Variants in FMN1 observed in about 807,000 individuals in gnomAD.
FMN1 encodes formin 1.
Under a neutral mutation model 132.4 loss-of-function variants are expected in FMN1, and 110 were observed. The observed-to-expected ratio is 0.83, with a 90% confidence interval of 0.71 to 0.97. The LOEUF is 0.97. Among genes scored for constraint, FMN1 ranks in the 50% least tolerant of loss-of-function variants. FMN1 has a pLI of 0.00. For synonymous variants in FMN1, 722 were observed against 651.7 expected, an observed-to-expected ratio of 1.11 and a Z score of -1.64; for missense variants, 1,792 against 1,705.3, an observed-to-expected ratio of 1.05 and a Z score of -0.90.
chr15:33,111,303 A>G (rs1429316664), intron 4 of FMN1, among the ~76,000 whole-genome samples: 2 of 152,172 alleles, frequency 1.3e-5, no homozygotes, highest in Non-Finnish European at 2.9e-5. Context: ...TGGGATGGCT[A>G]TAATTAAAAA....
intron 7 of FMN1, among the ~76,000 whole-genome samples, chr15:33,002,904 T>G (rs149633102): frequency 5.4e-4 from 83 of 152,298 alleles, no homozygotes; most frequent in African/African-American, 1.8e-3. Flanking sequence ...CAGCTAAGTG[T>G]TCAACATACG....
intron 7 of FMN1, among the ~76,000 whole-genome samples, chr15:32,981,678 G>A (rs1310274230): frequency 1.3e-5 from 2 of 151,734 alleles, no homozygotes; most frequent in Non-Finnish European, 2.9e-5. Flanking sequence ...TAGGACCTTG[G>A]ATTAGGCAGA....
intron 7 of FMN1, among the ~76,000 whole-genome samples, chr15:32,992,893 C>T (rs2033526131): frequency 6.6e-6 from 1 of 152,192 alleles, no homozygotes; most frequent in African/African-American, 2.4e-5. Flanking sequence ...AGCCTATTCA[C>T]TAGACCAAGT....
chr15:32,929,128 G>T (rs1014336338), intron 9 of FMN1, among the ~76,000 whole-genome samples: 10 of 152,162 alleles, frequency 6.6e-5, no homozygotes, highest in Non-Finnish European at 1.5e-5. Context: ...GTTTTTGTTT[G>T]GAAATCTGAT....
Position 32,774,043 on chromosome 15 carries a change from T to C in FMN1, c.*267A>G. On this transcript the variant is annotated 3_prime_UTR_variant, in exon 21 of 21. Coordinates refer to ENST00000616417, the MANE Select transcript of FMN1 (RefSeq NM_001277313.2). ...AACATTTTGGTATTTCTTCTGCTCT[T>C]AGAGTGGACTTTGGGCTTCCACAAG... 1 of 477,982 alleles carries C rather than the reference T, an allele frequency of 2.1e-6. No individual in the cohort carries two copies. Among genetic ancestry groups the C allele is most frequent in the East Asian group, 4.0e-5 (1 of 25,214 alleles). The allele number at this position is 477,982 out of a possible 1,614,324, so 29.6% of individuals were successfully genotyped here.
chr15:33,125,610 C>G (rs562041837), intron 4 of FMN1, among the ~76,000 whole-genome samples: 1 of 151,828 alleles, frequency 6.6e-6, no homozygotes, highest in Non-Finnish European at 1.5e-5. Flanking sequence ...AAGGCCAAGG[C>G]GGGCAGATCA....
At chr15:33,014,378 G>A (rs1248600813) in intron 6 of FMN1, among the ~76,000 whole-genome samples, 1 of 152,190 alleles carries the variant, frequency 6.6e-6, no homozygotes, top group Non-Finnish European at 1.5e-5. Flanking sequence ...GTTAAAAAGA[G>A]AACTTGACCC....
intron 4 of FMN1, among the ~76,000 whole-genome samples, chr15:33,097,375 T>C (rs549080187): frequency 3.2e-4 from 49 of 151,226 alleles, no homozygotes; most frequent in African/African-American, 9.7e-4. Context: ...AAGTATTGGC[T>C]TCAATTTTCC....
In FMN1 at chr15:32,942,196, C is replaced by G. The variant is rs374865915; in HGVS notation, c.3139-15935G>C. 2.2e-4 allele frequency among the ~76,000 whole-genome samples: 33 copies of G among 152,344 alleles called. 1 individual carries two copies. The South Asian group carries it at 6.6e-3, about 31-fold the overall frequency. On this transcript the variant is annotated intron_variant, in intron 9 of 20. Coordinates refer to ENST00000616417, the MANE Select transcript of FMN1 (RefSeq NM_001277313.2). ...AGTGGGAAAGGCAGGCCCACACTGTCTAAACCTGTACATTAAGCCAGTATA... is the reference window on the plus strand; with the variant it reads ...AGTGGGAAAGGCAGGCCCACACTGTGTAAACCTGTACATTAAGCCAGTATA...
Position 32,804,337 on chromosome 15 carries a change from A to G in FMN1, c.3929-5T>C. ...CCATCTTATGCTCTTTTTTGGCTGT[A>G]AAAGATAAATCATGATTAAAAATTT... On this transcript the variant is annotated splice_polypyrimidine_tract_variant and splice_region_variant and intron_variant, in intron 17 of 20. Transcript: ENST00000616417. 1 of 1,553,950 alleles carries G rather than the reference A, an allele frequency of 6.4e-7. No homozygotes were observed. Among genetic ancestry groups the G allele is most frequent in the Non-Finnish European group, 8.7e-7 (1 of 1,147,458 alleles).
chr15:33,070,755 A>G (rs1219547364), intron 5 of FMN1, among the ~76,000 whole-genome samples: 2 of 152,216 alleles, frequency 1.3e-5, no homozygotes, highest in Non-Finnish European at 2.9e-5. Flanking sequence ...TAAGTGGGGA[A>G]TAACATCATC....
intron 19 of FMN1, among the ~76,000 whole-genome samples, chr15:32,794,189 C>A (rs575172259): frequency 3.9e-5 from 6 of 152,162 alleles, no homozygotes; most frequent in Admixed American, 3.9e-4. Context: ...ACAGCCCCCT[C>A]GCCCCCAAAA....
intron 16 of FMN1, among the ~76,000 whole-genome samples, chr15:32,880,418 C>T (rs958931471): frequency 6.6e-6 from 1 of 152,108 alleles, no homozygotes; most frequent in African/African-American, 2.4e-5. Context: ...TTGTGTATTC[C>T]TTAAGAACCT....
intron 16 of FMN1, among the ~76,000 whole-genome samples, chr15:32,859,668 A>G (rs891895432): frequency 2.0e-5 from 3 of 152,238 alleles, no homozygotes; most frequent in African/African-American, 7.2e-5. Flanking sequence ...ATCCCTGAGA[A>G]GTCATCATGC....
chr15:33,074,863 A>G (rs73378540), intron 5 of FMN1, among the ~76,000 whole-genome samples: 3,500 of 151,764 alleles, frequency 0.023, 130 homozygotes, highest in African/African-American at 0.081. Context: ...TAAAAATTCA[A>G]AAAAATTAGC....
At position 32,774,448 on chromosome 15, in the gene FMN1, C is replaced by T. The variant is rs573806400; in HGVS notation, c.4216-94G>A. ...ATTTTGGTCTAGAATGCTGAGTTTC[C>T]GGAATTGTGCCAAATGGCCTAGAAA... On this transcript the variant is annotated intron_variant, in intron 20 of 20. Coordinates refer to ENST00000616417, the MANE Select transcript of FMN1 (RefSeq NM_001277313.2). The T allele has an allele frequency of 1.4e-4, 137 of 980,972 alleles. No homozygotes were observed. In the South Asian group the frequency reaches 1.5e-3, roughly 11 times the overall value. The allele number at this position is 980,972 out of a possible 1,614,324, so 60.8% of individuals were successfully genotyped here. A position where few individuals can be genotyped will look rare whatever the true frequency, so the allele number is the denominator to read the frequency against.
At chr15:33,081,016 A>T (rs1358801229) in intron 5 of FMN1, among the ~76,000 whole-genome samples, 1 of 152,140 alleles carries the variant, frequency 6.6e-6, no homozygotes, top group Non-Finnish European at 1.5e-5. Flanking sequence ...AGGCCCATTT[A>T]CCAGATGTGG....
At chr15:33,030,929 G>C (rs961517863) in intron 6 of FMN1, among the ~76,000 whole-genome samples, 3 of 151,918 alleles carry the variant, frequency 2.0e-5, no homozygotes, top group African/African-American at 7.3e-5. Context: ...CCCATGAACC[G>C]GTCATCTACA....
At position 32,772,279 on chromosome 15, in the gene FMN1, T is replaced by G. The variant is rs1295980977; in HGVS notation, c.*2031A>C. 1.3e-5 allele frequency: 2 copies of G among 152,210 alleles called. No individual in the cohort carries two copies. The allele number at this position is 152,210 out of a possible 1,614,324, so 9.4% of individuals were successfully genotyped here. A position where few individuals can be genotyped will look rare whatever the true frequency, so the allele number is the denominator to read the frequency against. On this transcript the variant is annotated 3_prime_UTR_variant, in exon 21 of 21. Coordinates refer to ENST00000616417, the MANE Select transcript of FMN1 (RefSeq NM_001277313.2). ...ATCCTACTTACAGACCAAAGTGGAC[T>G]GCAATGAGTACACCTCAAACCTCCC...
Sources: gnomAD v4.1 joint callset for allele counts (sites outside exome capture counted in the v4.1 genomes callset) on GRCh38, gnomAD v4.1.1 for gene constraint, MANE v1.5 for transcripts, NCBI Gene and HGNC (gene_info 2026-07-23, HGNC 2026-07-21) for gene names.